SLC13A4: variants seen among roughly 807,000 people sequenced by gnomAD.
SLC13A4 encodes Na(+)/sulfate cotransporter SUT-1.
Under a neutral mutation model 72.7 loss-of-function variants are expected in SLC13A4, and 28 were observed. That is an observed-to-expected ratio of 0.39 (90% confidence interval 0.29 to 0.53). The LOEUF is 0.53. Ranked by LOEUF, SLC13A4 falls within the 20% of genes least tolerant of loss-of-function variation. The pLI, the probability that SLC13A4 is intolerant of heterozygous loss-of-function variation, is 0.78. For synonymous variants in SLC13A4, 312 were observed against 325.5 expected, an observed-to-expected ratio of 0.96 and a Z score of 0.45; for missense variants, 653 against 788.0, an observed-to-expected ratio of 0.83 and a Z score of 2.05.
At chr7:135,690,647 T>C (rs1473051387) in intron 13 of SLC13A4, among the ~76,000 whole-genome samples, 3 of 152,184 alleles carry the variant, frequency 2.0e-5, no homozygotes, top group African/African-American at 7.2e-5. Flanking sequence ...ATGGGCCCCA[T>C]AGATGAACTA....
chr7:135,721,594 G>T, intron 1 of SLC13A4, 71 bp from the exon 2 acceptor site: 1 of 1,583,838 alleles, frequency 6.3e-7, no homozygotes, highest in South Asian at 1.1e-5. Context: ...ATGCAACCCT[G>T]GCATCTGAGG....
chr7:135,695,627 C>G, intron 8 of SLC13A4, 140 bp from the exon 9 acceptor site: 1 of 947,258 alleles, frequency 1.1e-6, no homozygotes, highest in Non-Finnish European at 1.5e-6. Context: ...AAAACGTTGC[C>G]TAGGACTCAT....
At chr7:135,683,115 A>G (rs1334377143) in intron 15 of SLC13A4, among the ~76,000 whole-genome samples, 5 of 151,956 alleles carry the variant, frequency 3.3e-5, no homozygotes, top group Admixed American at 6.6e-5. Flanking sequence ...CCTGACCAAC[A>G]TGGTGAAACC....
intron 3 of SLC13A4, among the ~76,000 whole-genome samples, chr7:135,706,749 T>C (rs1051448994): frequency 2.0e-5 from 3 of 152,206 alleles, no homozygotes; most frequent in Non-Finnish European, 2.9e-5. Flanking sequence ...ACCATAGATA[T>C]CAGTGACCCA....
intron 13 of SLC13A4, among the ~76,000 whole-genome samples, chr7:135,687,118 T>C (rs148072796): frequency 0.015 from 2,321 of 152,282 alleles, 43 homozygotes; most frequent in African/African-American, 0.046. Context: ...GGTTGGAAGA[T>C]GTTCACCTGC....
chr7:135,684,787 A>C (rs915725922), intron 14 of SLC13A4, among the ~76,000 whole-genome samples: 6 of 152,088 alleles, frequency 3.9e-5, no homozygotes, highest in Admixed American at 2.6e-4. Flanking sequence ...AGTTGGGGTC[A>C]TCTGAGCAAT....
intron 7 of SLC13A4, 106 bp from the exon 8 acceptor site, chr7:135,699,654 G>GC: frequency 1.1e-6 from 1 of 941,778 alleles, no homozygotes; most frequent in Non-Finnish European, 1.5e-6. Flanking sequence ...TTGAGCTTGG[G>GC]TGTCAGAAAG....
chr7:135,716,552 A>G (rs1221157997), intron 2 of SLC13A4, among the ~76,000 whole-genome samples: 1 of 152,194 alleles, frequency 6.6e-6, no homozygotes, highest in Non-Finnish European at 1.5e-5. Context: ...ACCTCAGGTG[A>G]TCCGCCTGCC....
intron 15 of SLC13A4, 65 bp downstream of exon 15, chr7:135,684,059 T>C: frequency 2.0e-6 from 3 of 1,498,456 alleles, no homozygotes; most frequent in Non-Finnish European, 2.7e-6. Context: ...GAAAGAAGGC[T>C]GCAGAGCTGT....
chr7:135,718,281 G>GAGAAAAT (rs1396118118), intron 2 of SLC13A4, among the ~76,000 whole-genome samples: 1 of 151,752 alleles, frequency 6.6e-6, no homozygotes, highest in Non-Finnish European at 1.5e-5. Flanking sequence ...ATGTAGAACT[G>GAGAAAAT]AGAAAATACT....
At position 135,727,534 on chromosome 7, in the gene SLC13A4, C is replaced by T; in HGVS notation, c.-38G>A. 1.3e-6 allele frequency: 2 copies of T among 1,528,614 alleles called. No homozygotes were observed. Among genetic ancestry groups the T allele is most frequent in the Non-Finnish European group, 8.8e-7 (1 of 1,131,990 alleles). 94.7% of individuals were successfully genotyped at this position (1,528,614 alleles called of 1,614,324 possible). ...CTCTCCAGCTCGTCCTTGGACCCCG[C>T]TCTGCCGGCGAAAGGCTTCCTGCCT... On this transcript the variant is annotated 5_prime_UTR_variant, in exon 1 of 16. Coordinates refer to ENST00000682651, the MANE Select transcript of SLC13A4 (RefSeq NM_001318192.2).
intron 1 of SLC13A4, among the ~76,000 whole-genome samples, chr7:135,725,877 G>A (rs751144939): frequency 2.1e-4 from 32 of 152,168 alleles, no homozygotes; most frequent in African/African-American, 6.8e-4. Flanking sequence ...GCTGAGGCAC[G>A]AGGATTGCTT....
chr7:135,694,471 G>T (rs1219097981), intron 9 of SLC13A4, among the ~76,000 whole-genome samples: 2 of 152,130 alleles, frequency 1.3e-5, no homozygotes, highest in African/African-American at 4.8e-5. Context: ...TCTGTCTCTG[G>T]TGTATTGGTG....
At chr7:135,727,280 A>T in intron 1 of SLC13A4, 118 bp downstream of exon 1, 1 of 1,322,116 alleles carries the variant, frequency 7.6e-7, no homozygotes, top group Non-Finnish European at 1.0e-6. Context: ...CCATTTCTTT[A>T]AACCCACCAC....
At chr7:135,691,161 C>CA (rs10659389) in intron 13 of SLC13A4, 40 bp downstream of exon 13, 103,918 of 1,067,480 alleles carry the variant, frequency 0.097, 439 homozygotes, top group African/African-American at 0.11. Flanking sequence ...AAGACTGTCT[C>CA]AAAAAAAAAA....
At chr7:135,700,943 T>C (rs191491038) in intron 7 of SLC13A4, among the ~76,000 whole-genome samples, 1 of 152,212 alleles carries the variant, frequency 6.6e-6, no homozygotes, top group African/African-American at 2.4e-5. Context: ...CTGGCATGCA[T>C]CCAATTTTGT....
chr7:135,686,610 G>A (rs1192856542), intron 13 of SLC13A4, among the ~76,000 whole-genome samples: 2 of 152,182 alleles, frequency 1.3e-5, no homozygotes, highest in Admixed American at 6.5e-5. Context: ...GGGCTTAAGC[G>A]ATTCTCCCAC....
At chr7:135,713,604 G>A (rs915450174) in intron 2 of SLC13A4, among the ~76,000 whole-genome samples, 4 of 152,040 alleles carry the variant, frequency 2.6e-5, no homozygotes, top group African/African-American at 7.2e-5. Context: ...TTGAGACAGA[G>A]TCTCACTCTG....
chr7:135,709,025 G>T (rs1401860379), intron 2 of SLC13A4, among the ~76,000 whole-genome samples: 1 of 144,388 alleles, frequency 6.9e-6, no homozygotes, highest in Non-Finnish European at 1.5e-5. Context: ...CGCTTCCTGG[G>T]TTCACGCCAT....
Sources: allele counts gnomAD v4.1 joint callset (sites outside exome capture counted in the v4.1 genomes callset), GRCh38; gene constraint gnomAD v4.1.1; transcripts MANE v1.5; gene names NCBI Gene and HGNC (gene_info 2026-07-23, HGNC 2026-07-21).